The following MTHFS variants were observed in gnomAD, a reference collection of about 807,000 sequenced individuals.
The protein encoded by MTHFS is methenyltetrahydrofolate synthetase, also known as 5-formyltetrahydrofolate cyclo-ligase.
In MTHFS, 7 loss-of-function variants were observed where a neutral mutation model predicts 12.7. The ratio of observed to expected loss-of-function variants is 0.55; its 90% CI spans 0.31 to 1.03. The LOEUF (loss-of-function observed/expected upper bound fraction) is 1.03, where lower values mean the gene tolerates loss of function less well. Among genes scored for constraint, MTHFS ranks in the 50% least tolerant of loss-of-function variants. MTHFS has a pLI of 0.05. For synonymous variants in MTHFS, 100 were observed against 97.1 expected (o/e 1.03, Z -0.18); for missense variants, 252 against 258.1 (o/e 0.98, Z 0.16).
intron 1 of MTHFS, among the ~76,000 whole-genome samples, chr15:79,892,400 A>G (rs1437293894): frequency 6.6e-6 from 1 of 152,226 alleles, no homozygotes; most frequent in East Asian, 1.9e-4. Flanking sequence ...AGATAAACAC[A>G]TATTCTTGAT....
intron 1 of MTHFS, among the ~76,000 whole-genome samples, chr15:79,892,050 A>C (rs1052258202): frequency 6.6e-6 from 1 of 152,112 alleles, no homozygotes; most frequent in Non-Finnish European, 1.5e-5. Context: ...GAGCAGAACA[A>C]GGAAAATAAT....
intron 2 of MTHFS, among the ~76,000 whole-genome samples, chr15:79,851,134 G>C (rs1362241410): frequency 6.6e-6 from 1 of 152,116 alleles, no homozygotes; most frequent in Non-Finnish European, 1.5e-5. Context: ...ATTCCTGTAA[G>C]GGTTTTCTAC....
chr15:79,850,251 T>A (rs2033690235), intron 2 of MTHFS, among the ~76,000 whole-genome samples: 1 of 152,360 alleles, frequency 6.6e-6, no homozygotes, highest in East Asian at 1.9e-4. Context: ...ATATTTCAAG[T>A]ATTTTTTGAC....
chr15:79,888,185 GAAC>G (rs1759450894), intron 2 of MTHFS, among the ~76,000 whole-genome samples: 1 of 152,154 alleles, frequency 6.6e-6, no homozygotes, highest in Non-Finnish European at 1.5e-5. Context: ...GTTGGCCAGA[GAAC>G]AGCATGTATT....
intron 2 of MTHFS, among the ~76,000 whole-genome samples, chr15:79,863,722 A>G (rs74025940): frequency 0.01 from 1,548 of 152,306 alleles, 20 homozygotes; most frequent in African/African-American, 0.035. Context: ...GCTGACTACA[A>G]TTCAGAGTTG....
chr15:79,873,991 C>G (rs897350496), intron 2 of MTHFS, among the ~76,000 whole-genome samples: 3 of 152,280 alleles, frequency 2.0e-5, no homozygotes, highest in Admixed American at 2.0e-4. Context: ...TCTGAGAGAG[C>G]TTGGCAGAGA....
chr15:79,863,980 C>T (rs546247483), intron 2 of MTHFS, among the ~76,000 whole-genome samples: 100 of 152,300 alleles, frequency 6.6e-4, no homozygotes, highest in African/African-American at 1.8e-3. Flanking sequence ...CAGCACATGA[C>T]GGCAGTAAGG....
intron 2 of MTHFS, among the ~76,000 whole-genome samples, chr15:79,859,429 C>A (rs937249240): frequency 1.3e-5 from 2 of 152,176 alleles, no homozygotes; most frequent in African/African-American, 4.8e-5. Flanking sequence ...CAGATACACA[C>A]CCAAACATAT....
chr15:79,877,418 A>T (rs2034217444), intron 2 of MTHFS: 1 of 152,074 alleles, frequency 6.6e-6, no homozygotes, highest in South Asian at 2.1e-4. Context: ...AAATCTACAC[A>T]TGCCAGGCAC....
chr15:79,883,431 A>G (rs992663784), intron 2 of MTHFS, among the ~76,000 whole-genome samples: 3 of 152,210 alleles, frequency 2.0e-5, no homozygotes, highest in Non-Finnish European at 4.4e-5. Context: ...ACTAGGTACC[A>G]GGGATACAAA....
At position 79,896,932 on chromosome 15, in the gene MTHFS, C is replaced by T. The variant is rs2034588397; in HGVS notation, c.57G>A (p.Gln19=). ...AKRSLRGELK[Q]RLRAMSAEER... ...CCTCGGCACTCATCGCCCGCAGACG[C>T]TGCTTCAGCTCTCCCCGCAGGCTCC... Residue 19 remains glutamine, a synonymous_variant, in exon 1 of 3, where the codon CAG becomes CAA. Coordinates refer to ENST00000258874, the MANE Select transcript of MTHFS (RefSeq NM_006441.4). 3 of 1,540,550 alleles carry T rather than the reference C, an allele frequency of 1.9e-6. No homozygotes were observed. In the East Asian group the frequency reaches 7.4e-5, roughly 38 times the overall value.
intron 1 of MTHFS, among the ~76,000 whole-genome samples, chr15:79,891,987 A>G (rs12908745): frequency 0.27 from 37,756 of 138,682 alleles, 5,663 homozygotes; most frequent in South Asian, 0.4. Context: ...AAAAAAAAAG[A>G]GAAAGAAAAA....
At position 79,854,434 on chromosome 15, in the gene MTHFS, C is replaced by T. The variant is rs114999598; in HGVS notation, c.380-8992G>A. ...GGGGCGAGGGGTAACACCCTGCAGCCTCTGGTCTTCATTGCTGCCTGCTGA... is the reference window on the plus strand; with the variant it reads ...GGGGCGAGGGGTAACACCCTGCAGCTTCTGGTCTTCATTGCTGCCTGCTGA... On this transcript the variant is annotated intron_variant, in intron 2 of 2. Transcript: ENST00000258874. Among the ~76,000 whole-genome samples the T allele has an allele frequency of 5.2e-3, 795 of 152,290 alleles. 4 individuals are homozygous for T. Among genetic ancestry groups the T allele is most frequent in the African/African-American group, 0.017 (721 of 41,564 alleles).
chr15:79,878,869 T>TTTTC (rs1211509973), intron 2 of MTHFS, among the ~76,000 whole-genome samples: 1 of 151,248 alleles, frequency 6.6e-6, no homozygotes, highest in African/African-American at 2.4e-5. Context: ...CCCTTTTTTT[T>TTTTC]TTTCTTTCTT....
chr15:79,888,428 C>T (rs960198373), intron 2 of MTHFS, among the ~76,000 whole-genome samples: 21 of 152,146 alleles, frequency 1.4e-4, no homozygotes, highest in Admixed American at 1.3e-3. Flanking sequence ...TTTTCAAAAT[C>T]TTGTTTCAAT....
At chr15:79,884,040 A>C (rs999990432) in intron 2 of MTHFS, among the ~76,000 whole-genome samples, 3 of 152,218 alleles carry the variant, frequency 2.0e-5, no homozygotes, top group East Asian at 1.9e-4. Context: ...CTGAGCACCT[A>C]CTATGTGCCA....
chr15:79,875,248 T>C (rs1052280613), intron 2 of MTHFS, among the ~76,000 whole-genome samples: 1 of 149,928 alleles, frequency 6.7e-6, no homozygotes, highest in African/African-American at 2.5e-5. Context: ...CCGTTCAGGG[T>C]CCCTGACTTC....
intron 1 of MTHFS, among the ~76,000 whole-genome samples, chr15:79,892,784 C>T (rs1300863951): frequency 6.6e-6 from 1 of 151,884 alleles, no homozygotes; most frequent in Non-Finnish European, 1.5e-5. Flanking sequence ...AACCCCATCT[C>T]TACTAAAAAT....
At chr15:79,872,897 G>A (rs2034131176) in intron 2 of MTHFS, among the ~76,000 whole-genome samples, 1 of 152,170 alleles carries the variant, frequency 6.6e-6, no homozygotes. Context: ...AAGTCCTGCT[G>A]GTCTGTTACC....
Sources: allele counts gnomAD v4.1 joint callset (sites outside exome capture counted in the v4.1 genomes callset), GRCh38; gene constraint gnomAD v4.1.1; transcripts MANE v1.5; gene names NCBI Gene and HGNC (gene_info 2026-07-23, HGNC 2026-07-21).